Variants in RFTN1 observed in about 807,000 individuals in gnomAD.
RFTN1 encodes raftlin, lipid raft linker 1, also known as raftlin.
In RFTN1, 26 loss-of-function variants were observed where a neutral mutation model predicts 46.5. That is an observed-to-expected ratio of 0.56 (90% CI 0.41 to 0.78). The LOEUF is 0.78. Among genes scored for constraint, RFTN1 ranks in the 30% least tolerant of loss-of-function variants. The pLI is 0.00. For missense variants in RFTN1, 693 were observed against 718.7 expected (o/e 0.96, Z 0.41); for synonymous variants, 261 against 284.2 (o/e 0.92, Z 0.82).
intron 2 of RFTN1, among the ~76,000 whole-genome samples, chr3:16,437,910 G>A (rs35868572): frequency 0.14 from 21,778 of 152,082 alleles, 1,761 homozygotes; most frequent in East Asian, 0.22. Context: ...GAACCAAAAG[G>A]GCAAAACCAC....
chr3:16,348,192 G>C lies in RFTN1; in HGVS notation c.1146+9740C>G, dbSNP rs1442517181. Among the ~76,000 whole-genome samples the C allele has an allele frequency of 6.6e-6, 1 of 152,092 alleles. No individual in the cohort carries two copies. Among genetic ancestry groups the C allele is most frequent in the East Asian group, 1.9e-4 (1 of 5,192 alleles). ...GAGCTCAGGAGCAGGGCTTTGCTAA[G>C]AGGCACAAGTGCTGCCTGTTTGAGG... On this transcript the variant is annotated intron_variant, in intron 7 of 9. Coordinates refer to ENST00000334133, the MANE Select transcript of RFTN1 (RefSeq NM_015150.2). The surrounding 1 kb of genome is among the most constrained non-coding windows in gnomAD (Gnocchi z 6.3).
chr3:16,380,869 T>C lies in RFTN1; in HGVS notation c.442-2767A>G, dbSNP rs1379701604. 6.6e-6 allele frequency among the ~76,000 whole-genome samples: 1 copy of C among 152,218 alleles called. No individual in the cohort carries two copies. The highest frequency in any genetic ancestry group is 2.1e-4 in the South Asian group (1 of 4,832). The stretch of plus-strand genomic sequence containing the variant: ...TAAATATCTGTTGAATGAATGAATA[T>C]ATTAAATAATGGATGAATATGTATG... On this transcript the variant is annotated intron_variant, in intron 4 of 9. Coordinates refer to ENST00000334133, the MANE Select transcript of RFTN1 (RefSeq NM_015150.2). This position sits in a 1 kb window ranked among gnomAD's most constrained non-coding sequence, Gnocchi z 4.8.
rs2074019927 is a variant in RFTN1, at chr3:16,382,340, GAC to G, written c.442-4240_442-4239del. 6.6e-6 allele frequency among the ~76,000 whole-genome samples: 1 copy of G among 152,166 alleles called. No individual in the cohort carries two copies. The highest frequency in any genetic ancestry group is 1.5e-5 in the Non-Finnish European group (1 of 68,028). ...TACAGTTCTGTCTTACCCTAGTATAGACACTTTCCTCTTTTTCAGAAAGTCAT... is the reference window on the plus strand; with the variant it reads ...TACAGTTCTGTCTTACCCTAGTATAGACTTTCCTCTTTTTCAGAAAGTCAT... On this transcript the variant is annotated intron_variant, in intron 4 of 9. Transcript: ENST00000334133. The surrounding 1 kb of genome is among the most constrained non-coding windows in gnomAD (Gnocchi z 4.7).
intron 1 of RFTN1, among the ~76,000 whole-genome samples, chr3:16,505,437 A>ATG (rs149089410): frequency 6.6e-5 from 10 of 151,674 alleles, no homozygotes; most frequent in East Asian, 1.9e-4. Flanking sequence ...AACCAGTCAG[A>ATG]TGTGTGTGTG....
At chr3:16,416,346 C>T (rs1419881615) in intron 3 of RFTN1, 4 of 331,370 alleles carry the variant, frequency 1.2e-5, no homozygotes, top group Admixed American at 1.1e-4. Context: ...ATCTGAGCCC[C>T]GTTAAGTTTT....
chr3:16,443,747 C>CA lies in RFTN1; in HGVS notation c.146-9711dup. Among the ~76,000 whole-genome samples, 1 of 137,050 alleles carries CA rather than the reference C, an allele frequency of 7.3e-6. No individual in the cohort carries two copies. Among genetic ancestry groups the CA allele is most frequent in the Middle Eastern group, 3.8e-3 (1 of 260 alleles). The allele number at this position is 137,050 out of a possible 152,430, so 89.9% of individuals were successfully genotyped here. A position where few individuals can be genotyped will look rare whatever the true frequency, so the allele number is the denominator to read the frequency against. On this transcript the variant is annotated intron_variant, in intron 2 of 9. Coordinates refer to ENST00000334133, the MANE Select transcript of RFTN1 (RefSeq NM_015150.2). This position sits in a 1 kb window ranked among gnomAD's most constrained non-coding sequence, Gnocchi z 5.5. ...AATCACACATAGTCAATGAATTACA[C>CA]ACAACACACACACACACACACACAC...
intron 2 of RFTN1, among the ~76,000 whole-genome samples, chr3:16,482,046 T>C (rs556087795): frequency 7.9e-5 from 12 of 152,224 alleles, no homozygotes; most frequent in Admixed American, 2.6e-4. Context: ...CAGTGGGTTA[T>C]TGACCAACAC....
Position 16,404,487 on chromosome 3 carries a change from C to T in RFTN1, c.441+4888G>A, listed in dbSNP as rs181334872. 5.9e-3 allele frequency among the ~76,000 whole-genome samples: 848 copies of T among 143,900 alleles called. 3 individuals carry two copies. Among genetic ancestry groups the T allele is most frequent in the Admixed American group, 0.014 (179 of 13,182 alleles). The allele number at this position is 143,900 out of a possible 152,430, so 94.4% of individuals were successfully genotyped here. Reference sequence around the variant, plus strand: ...CCTTGGGACTCCATGCCATGCCCTACATCTTTACAGTAAACCCGCCTGACT... The same window carrying T: ...CCTTGGGACTCCATGCCATGCCCTATATCTTTACAGTAAACCCGCCTGACT... On this transcript the variant is annotated intron_variant, in intron 4 of 9. Coordinates refer to ENST00000334133, the MANE Select transcript of RFTN1 (RefSeq NM_015150.2).
At chr3:16,391,901 T>A (rs1010277599) in intron 4 of RFTN1, among the ~76,000 whole-genome samples, 6 of 112,026 alleles carry the variant, frequency 5.4e-5, no homozygotes, top group Non-Finnish European at 1.1e-4. Flanking sequence ...TTTGTTTTTT[T>A]TACGGGGAAG....
intron 7 of RFTN1, 39 bp from the exon 8 acceptor site, chr3:16,326,915 C>A: frequency 1.3e-6 from 2 of 1,507,598 alleles, no homozygotes; most frequent in Non-Finnish European, 9.2e-7. Flanking sequence ...GCTGCTGCCA[C>A]AAGCCAACTC....
intron 5 of RFTN1, among the ~76,000 whole-genome samples, chr3:16,372,787 C>A (rs185653116): frequency 2.6e-5 from 4 of 152,188 alleles, no homozygotes; most frequent in African/African-American, 9.7e-5. Context: ...ACAGCTTTCC[C>A]GGCTTGATCC....
rs2125373718 is a variant in RFTN1, at chr3:16,376,276, C to T, written c.826+1442G>A. 6.6e-6 allele frequency among the ~76,000 whole-genome samples: 1 copy of T among 152,260 alleles called. No individual in the cohort carries two copies. Among genetic ancestry groups the T allele is most frequent in the South Asian group, 2.1e-4 (1 of 4,828 alleles). ...TTTCCATGAGAAACTATCGTTCTATCCCCATTTCAAAGGGTGAGAAACTGA... is the reference window on the plus strand; with the variant it reads ...TTTCCATGAGAAACTATCGTTCTATTCCCATTTCAAAGGGTGAGAAACTGA... On this transcript the variant is annotated intron_variant, in intron 5 of 9. Coordinates refer to ENST00000334133, the MANE Select transcript of RFTN1 (RefSeq NM_015150.2). This position sits in a 1 kb window ranked among gnomAD's most constrained non-coding sequence, Gnocchi z 4.7.
chr3:16,387,590 C>CTCTCTCTCTG lies in RFTN1; in HGVS notation c.442-9489_442-9488insCAGAGAGAGA. Among the ~76,000 whole-genome samples, 2 of 151,030 alleles carry CTCTCTCTCTG rather than the reference C, an allele frequency of 1.3e-5. No individual in the cohort carries two copies. Among genetic ancestry groups the CTCTCTCTCTG allele is most frequent in the Middle Eastern group, 6.8e-3 (2 of 294 alleles). Reference sequence around the variant, plus strand: ...TCAATTTCTCTCTCTCTCTCTCTCTCTCTCTCTCTCTCTCTCTCTCTACTG... The same window carrying CTCTCTCTCTG: ...TCAATTTCTCTCTCTCTCTCTCTCTCTCTCTCTCTGTCTCTCTCTCTCTCTCTCTCTACTG... On this transcript the variant is annotated intron_variant, in intron 4 of 9. Transcript: ENST00000334133. The surrounding 1 kb of genome is among the most constrained non-coding windows in gnomAD (Gnocchi z 5.2).
chr3:16,434,551 T>A (rs1161032683), intron 2 of RFTN1, among the ~76,000 whole-genome samples: 1 of 151,540 alleles, frequency 6.6e-6, no homozygotes, highest in African/African-American at 2.4e-5. Flanking sequence ...CAAGCCACTG[T>A]CTCAAAAATG....
intron 1 of RFTN1, among the ~76,000 whole-genome samples, chr3:16,502,833 A>G (rs889202995): frequency 1.2e-4 from 18 of 152,202 alleles, no homozygotes; most frequent in Admixed American, 5.9e-4. Flanking sequence ...TGGATTCCCG[A>G]CTCAGAGAAA....
rs1468055255 is a variant in RFTN1, at chr3:16,320,559, G to A, written c.1332+2817C>T. On this transcript the variant is annotated intron_variant, in intron 9 of 9. Coordinates refer to ENST00000334133, the MANE Select transcript of RFTN1 (RefSeq NM_015150.2). This position sits in a 1 kb window ranked among gnomAD's most constrained non-coding sequence, Gnocchi z 4.5. ...CTCTGCCTGGGAAGGATAAAATAAT[G>A]ATCACAAATAACTAAAAGCCCAAAG... 6.6e-6 allele frequency among the ~76,000 whole-genome samples: 1 copy of A among 152,202 alleles called. No homozygotes were observed. Among genetic ancestry groups the A allele is most frequent in the Non-Finnish European group, 1.5e-5 (1 of 68,034 alleles).
In RFTN1 at chr3:16,500,963, G is replaced by A. The variant is rs1324357186; in HGVS notation, c.-8-7086C>T. Among the ~76,000 whole-genome samples, 5 of 152,254 alleles carry A rather than the reference G, an allele frequency of 3.3e-5. No homozygotes were observed. The highest frequency in any genetic ancestry group is 1.9e-4 in the East Asian group (1 of 5,188). On this transcript the variant is annotated intron_variant, in intron 1 of 9. Transcript: ENST00000334133. This position sits in a 1 kb window ranked among gnomAD's most constrained non-coding sequence, Gnocchi z 5.9. Reference sequence around the variant, plus strand: ...GTCTGGACAGAATGCGGGAGCATTCGGAACAAATCGCTGTTATATAAAACA... The same window carrying A: ...GTCTGGACAGAATGCGGGAGCATTCAGAACAAATCGCTGTTATATAAAACA...
At chr3:16,414,770 C>A (rs568694946) in intron 3 of RFTN1, among the ~76,000 whole-genome samples, 2 of 152,044 alleles carry the variant, frequency 1.3e-5, no homozygotes, top group African/African-American at 4.8e-5. Context: ...AGGGACCGGG[C>A]TCATCCAGGG....
intron 3 of RFTN1, among the ~76,000 whole-genome samples, chr3:16,414,276 C>T (rs552179785): frequency 4.1e-4 from 62 of 150,396 alleles, no homozygotes; most frequent in Non-Finnish European, 7.4e-4. Context: ...ACAGAGTATG[C>T]CCAATGGTGG....
Sources: allele counts gnomAD v4.1 joint callset (sites outside exome capture counted in the v4.1 genomes callset), GRCh38; gene constraint gnomAD v4.1.1; non-coding constraint Gnocchi (gnomAD v3.1); transcripts MANE v1.5; gene names NCBI Gene and HGNC (gene_info 2026-07-23, HGNC 2026-07-21).